Variants in TTC28 observed in about 807,000 individuals in gnomAD.
TTC28 encodes tetratricopeptide repeat protein 28.
In TTC28, 61 loss-of-function variants were observed where a neutral mutation model predicts 198.0. That is an observed-to-expected ratio of 0.31 (90% confidence interval 0.25 to 0.38). TTC28 has a LOEUF of 0.38. Ranked by LOEUF, TTC28 falls within the 10% of genes least tolerant of loss-of-function variation. TTC28 has a pLI of 1.00. For missense variants in TTC28, 2,678 were observed against 3,164.0 expected (o/e 0.85, Z 3.69); for synonymous variants, 1,171 against 1,297.8 (o/e 0.90, Z 2.10).
At chr22:28,257,512 T>G (rs1286949898) in intron 5 of TTC28, among the ~76,000 whole-genome samples, 2 of 151,796 alleles carry the variant, frequency 1.3e-5, no homozygotes, top group Non-Finnish European at 2.9e-5. Context: ...GAGCTAGATA[T>G]TGCATGTTCT....
At chr22:28,279,765 C>G (rs750935333) in intron 5 of TTC28, among the ~76,000 whole-genome samples, 5 of 152,218 alleles carry the variant, frequency 3.3e-5, no homozygotes, top group Admixed American at 6.5e-5. Context: ...ACCCGTATAG[C>G]TCTTCCTAGT....
intron 5 of TTC28, among the ~76,000 whole-genome samples, chr22:28,212,093 A>T (rs184381744): frequency 3.9e-4 from 60 of 151,980 alleles, no homozygotes; most frequent in East Asian, 1.7e-3. Flanking sequence ...ACAAAGACAC[A>T]ACATGCCAGA....
chr22:28,288,651 A>G (rs954979083), intron 5 of TTC28, among the ~76,000 whole-genome samples: 6 of 151,538 alleles, frequency 4.0e-5, no homozygotes, highest in African/African-American at 2.4e-5. Context: ...ACTAAAAAAT[A>G]CAAAAAAAAA....
At chr22:28,670,702 G>A (rs1221934714) in intron 1 of TTC28, among the ~76,000 whole-genome samples, 2 of 121,044 alleles carry the variant, frequency 1.7e-5, no homozygotes, top group African/African-American at 7.0e-5. Context: ...ATGTCTTTAG[G>A]GCATATATAT....
chr22:28,503,677 T>C (rs1409065291), intron 2 of TTC28, among the ~76,000 whole-genome samples: 2 of 152,260 alleles, frequency 1.3e-5, no homozygotes, highest in Non-Finnish European at 2.9e-5. Flanking sequence ...AATATTGTCT[T>C]TAGCCAATCT....
intron 2 of TTC28, among the ~76,000 whole-genome samples, chr22:28,423,368 C>T (rs576886122): frequency 4.6e-5 from 7 of 151,756 alleles, no homozygotes; most frequent in South Asian, 4.2e-4. Context: ...CCAGCCTGGG[C>T]GACAGAGCGA....
At chr22:28,533,654 A>G (rs1274040938) in intron 2 of TTC28, among the ~76,000 whole-genome samples, 1 of 152,236 alleles carries the variant, frequency 6.6e-6, no homozygotes, top group African/African-American at 2.4e-5. Flanking sequence ...ACCTGACTTC[A>G]AACTATACTA....
intron 5 of TTC28, among the ~76,000 whole-genome samples, chr22:28,167,875 C>T (rs1922188581): frequency 6.6e-6 from 1 of 152,188 alleles, no homozygotes; most frequent in Non-Finnish European, 1.5e-5. Context: ...AAGAGGAAGT[C>T]AAATTGTCCC....
rs555785112 is a variant in TTC28, at chr22:28,227,791, T to C, written c.934-64192A>G. 3.2e-3 allele frequency among the ~76,000 whole-genome samples: 486 copies of C among 152,154 alleles called. 2 individuals are homozygous for C. The highest frequency in any genetic ancestry group is 4.7e-3 in the Non-Finnish European group (319 of 67,992). ...TGGGAATGTAAAATGGTACAACCAT[T>C]GTAAAAAACAGTACGGCAGTTCCTC... On this transcript the variant is annotated intron_variant, in intron 5 of 22. Transcript: ENST00000397906.
At position 28,076,855 on chromosome 22, in the gene TTC28, C is replaced by G. The variant is rs577243386; in HGVS notation, c.3932+17225G>C. On this transcript the variant is annotated intron_variant, in intron 12 of 22. Coordinates refer to ENST00000397906, the MANE Select transcript of TTC28 (RefSeq NM_001145418.2). ...CATACCTCTAATCATTTGCTACTTC[C>G]CAGTGAGTCCATCCCCAGCCTGAGG... Among the ~76,000 whole-genome samples the G allele has an allele frequency of 1.2e-3, 177 of 152,248 alleles. 3 individuals are homozygous for G. The highest frequency in any genetic ancestry group is 3.4e-3 in the Middle Eastern group (1 of 294).
chr22:28,602,440 A>C (rs185160150), intron 2 of TTC28, among the ~76,000 whole-genome samples: 167 of 152,312 alleles, frequency 1.1e-3, no homozygotes, highest in African/African-American at 3.8e-3. Context: ...TTCTAATTTT[A>C]ATGGTGGTAC....
chr22:28,332,305 A>C (rs1319287499), intron 2 of TTC28, among the ~76,000 whole-genome samples: 1 of 152,010 alleles, frequency 6.6e-6, no homozygotes, highest in African/African-American at 2.4e-5. Flanking sequence ...CCTAATTAAT[A>C]TCTTATGTAA....
At chr22:28,454,253 T>C (rs1438600119) in intron 2 of TTC28, among the ~76,000 whole-genome samples, 1 of 152,230 alleles carries the variant, frequency 6.6e-6, no homozygotes, top group Non-Finnish European at 1.5e-5. Context: ...GTGCATCCAA[T>C]AGCTTATAAG....
At chr22:28,654,672 C>A (rs1167320948) in intron 1 of TTC28, among the ~76,000 whole-genome samples, 2 of 152,158 alleles carry the variant, frequency 1.3e-5, no homozygotes, top group East Asian at 3.9e-4. Context: ...TCCCTTCCCT[C>A]ACTGTGAAGT....
chr22:28,333,945 T>C (rs577686982), intron 2 of TTC28, among the ~76,000 whole-genome samples: 18 of 151,984 alleles, frequency 1.2e-4, no homozygotes, highest in Non-Finnish European at 2.4e-4. Context: ...TGGTGTGCTG[T>C]ACCCATTAAC....
chr22:28,512,606 T>C (rs2048705082), intron 2 of TTC28, among the ~76,000 whole-genome samples: 1 of 152,122 alleles, frequency 6.6e-6, no homozygotes, highest in Non-Finnish European at 1.5e-5. Flanking sequence ...TAAAAAGGAA[T>C]AAAATAATGT....
intron 5 of TTC28, among the ~76,000 whole-genome samples, chr22:28,202,681 A>G (rs1326758108): frequency 1.3e-5 from 2 of 152,188 alleles, no homozygotes; most frequent in Non-Finnish European, 2.9e-5. Context: ...GCTGGCCTAG[A>G]GAGACCTTAG....
chr22:28,101,101 G>A, intron 9 of TTC28, 70 bp downstream of exon 9: 1 of 1,192,058 alleles, frequency 8.4e-7, no homozygotes, highest in African/African-American at 1.5e-5. Flanking sequence ...ATCACTACTA[G>A]GACAGTAATC....
intron 12 of TTC28, among the ~76,000 whole-genome samples, chr22:28,041,096 T>A (rs775028923): frequency 1.3e-5 from 2 of 152,298 alleles, no homozygotes; most frequent in Middle Eastern, 6.8e-3. Context: ...CACAAACAAA[T>A]GGAAGAACAT....
Sources: gnomAD v4.1 joint callset for allele counts (sites outside exome capture counted in the v4.1 genomes callset) on GRCh38, gnomAD v4.1.1 for gene constraint, MANE v1.5 for transcripts, NCBI Gene and HGNC (gene_info 2026-07-23, HGNC 2026-07-21) for gene names.